DCDC2C: variants seen among roughly 807,000 people sequenced by gnomAD.
DCDC2C encodes doublecortin domain containing 2C.
A neutral mutation model predicts 45.0 loss-of-function variants in DCDC2C; 44 were observed. The ratio of observed to expected loss-of-function variants is 0.98; its 90% confidence interval spans 0.77 to 1.26. DCDC2C has a LOEUF of 1.26. DCDC2C is among the 50% of genes most tolerant of loss of function. The pLI is 0.00. For missense variants in DCDC2C, 447 were observed against 468.9 expected, an observed-to-expected ratio of 0.95 and a Z score of 0.43; for synonymous variants, 187 against 178.8, an observed-to-expected ratio of 1.05 and a Z score of -0.37.
chr2:3,838,327 C>T (rs1028111942), intron 10 of DCDC2C, among the ~76,000 whole-genome samples: 4 of 151,950 alleles, frequency 2.6e-5, no homozygotes, highest in African/African-American at 9.7e-5. Flanking sequence ...TCCTGGTAAT[C>T]GCAGGGTCTA....
At chr2:3,748,377 T>G (rs1572582593) in intron 4 of DCDC2C, among the ~76,000 whole-genome samples, 40 of 35,266 alleles carry the variant, frequency 1.1e-3, no homozygotes, top group African/African-American at 1.5e-3. Context: ...GGGTGGGGAG[T>G]GTGTGGTGGG....
intron 10 of DCDC2C, among the ~76,000 whole-genome samples, chr2:3,811,808 A>G (rs1671401278): frequency 6.6e-6 from 1 of 152,192 alleles, no homozygotes; most frequent in East Asian, 1.9e-4. Flanking sequence ...GAATTTTATC[A>G]AAGGCCTTTT....
intron 8 of DCDC2C, 54 bp downstream of exon 8, chr2:3,769,465 C>G (rs1670106095): frequency 6.8e-7 from 1 of 1,471,454 alleles, no homozygotes; most frequent in South Asian, 1.2e-5. Flanking sequence ...CCATCAGCTC[C>G]TGCCCGCCTC....
rs541175364 is a variant in DCDC2C, at chr2:3,811,079, A to G, written c.1065+25979A>G. Among the ~76,000 whole-genome samples the G allele has an allele frequency of 5.3e-5, 8 of 152,326 alleles. No homozygotes were observed. The East Asian group carries it at 1.2e-3, about 22-fold the overall frequency. ...GCTATGCAGAGTTTTCTTCAATTTC[A>G]TATGAAACTTAAAATAGTTTTTTCT... On this transcript the variant is annotated intron_variant, in intron 10 of 10. Coordinates refer to ENST00000399143, the MANE Select transcript of DCDC2C (RefSeq NM_001287444.2).
chr2:3,794,889 A>G (rs573451191), intron 10 of DCDC2C, among the ~76,000 whole-genome samples: 123 of 152,042 alleles, frequency 8.1e-4, no homozygotes, highest in African/African-American at 2.8e-3. Context: ...CAGTAATGGG[A>G]TGGCTGGGTC....
chr2:3,759,435 A>T (rs1278419979), intron 6 of DCDC2C, among the ~76,000 whole-genome samples: 1 of 152,220 alleles, frequency 6.6e-6, no homozygotes, highest in African/African-American at 2.4e-5. Context: ...TTTATAAAAT[A>T]GCTACGTGTT....
chr2:3,752,478 A>T (rs944790261), intron 4 of DCDC2C: 2 of 413,100 alleles, frequency 4.8e-6, no homozygotes, highest in African/African-American at 4.0e-5. Flanking sequence ...AAATTAATTG[A>T]ACACTAACCA....
chr2:3,827,028 G>A (rs1671839224), intron 10 of DCDC2C, among the ~76,000 whole-genome samples: 1 of 151,668 alleles, frequency 6.6e-6, no homozygotes, highest in Admixed American at 6.6e-5. Flanking sequence ...TCTTCCTCTT[G>A]AAGACAAATA....
intron 10 of DCDC2C, among the ~76,000 whole-genome samples, chr2:3,824,661 T>C (rs1671772984): frequency 6.6e-6 from 1 of 152,160 alleles, no homozygotes; most frequent in South Asian, 2.1e-4. Context: ...ACAGGTTTTC[T>C]CACTGCTCCT....
chr2:3,714,496 C>T (rs200356401), intron 2 of DCDC2C, among the ~76,000 whole-genome samples: 144 of 142,716 alleles, frequency 1.0e-3, no homozygotes, highest in African/African-American at 3.5e-3. Flanking sequence ...AATGTTTTTT[C>T]CCCCCATGAA....
At chr2:3,724,519 C>T (rs1668584230) in intron 2 of DCDC2C, among the ~76,000 whole-genome samples, 1 of 152,208 alleles carries the variant, frequency 6.6e-6, no homozygotes, top group African/African-American at 2.4e-5. Flanking sequence ...GTATGCAGCT[C>T]CTTCTCTCTC....
intron 1 of DCDC2C, among the ~76,000 whole-genome samples, chr2:3,707,392 A>C (rs1324186450): frequency 6.6e-6 from 1 of 152,182 alleles, no homozygotes; most frequent in Non-Finnish European, 1.5e-5. Flanking sequence ...AACAAATTTA[A>C]AATATTTATT....
At position 3,727,018 on chromosome 2, in the gene DCDC2C, C is replaced by T. The variant is rs1200900501; in HGVS notation, c.355C>T (p.His119Tyr). The T allele has an allele frequency of 6.4e-7, 1 of 1,550,416 alleles. No homozygotes were observed. Among genetic ancestry groups the T allele is most frequent in the South Asian group, 1.2e-5 (1 of 84,040 alleles). The change falls in exon 3 of 11, where the codon CAT (histidine) becomes TAT (tyrosine). Residue 119 changes from histidine to tyrosine, a missense_variant. Transcript: ENST00000399143. ...CCTTTTTCAGATCAAACCAGTGGTG[C>T]ATTGTGATATAAATGTGCCTTCCAA... ...RKLKEIKPVVHCDINVPSKWQ... is the reference protein window; with the variant it reads ...RKLKEIKPVVYCDINVPSKWQ...
chr2:3,727,125 C>T (rs947674894), intron 3 of DCDC2C, 46 bp downstream of exon 3: 1 of 1,449,218 alleles, frequency 6.9e-7, no homozygotes, highest in South Asian at 1.2e-5. Context: ...TGCCATAACT[C>T]CCTAAAAACA....
intron 6 of DCDC2C, among the ~76,000 whole-genome samples, chr2:3,755,205 A>C (rs927904798): frequency 1.7e-4 from 26 of 151,564 alleles, no homozygotes; most frequent in African/African-American, 6.3e-4. Flanking sequence ...ATATGTGTGC[A>C]TGGGTGCATA....
intron 10 of DCDC2C, chr2:3,844,401 A>C (rs982488592): frequency 1.3e-4 from 20 of 152,948 alleles, no homozygotes; most frequent in Admixed American, 1.0e-3. Flanking sequence ...GAGATGCCGG[A>C]GTCCCCCACG....
intron 1 of DCDC2C, 23 bp downstream of exon 1, chr2:3,704,061 C>T (rs1448948492): frequency 8.0e-7 from 1 of 1,244,466 alleles, no homozygotes; most frequent in Non-Finnish European, 1.0e-6. Flanking sequence ...GCGCCCCCCA[C>T]GCGCCCTGCG....
Position 3,703,938 on chromosome 2 carries a change from C to T in DCDC2C, c.187C>T (p.Leu63Phe). ...GGACGTCCCGTTCGGCGTGCGCCGC[C>T]TCTTCACGCCCACGCGTGGGCACCG... ...QVDVPFGVRRLFTPTRGHRVL... is the reference protein window; with the variant it reads ...QVDVPFGVRRFFTPTRGHRVL... Residue 63 changes from leucine to phenylalanine, a missense_variant, in exon 1 of 11, where the codon CTC becomes TTC. Leu to Phe is a conservative substitution (Grantham distance 22, BLOSUM62 0). Transcript: ENST00000399143. The surrounding 1 kb of genome is among the most constrained non-coding windows in gnomAD (Gnocchi z 4.4). The T allele has an allele frequency of 4.5e-6, 6 of 1,329,076 alleles. No individual in the cohort carries two copies. Among genetic ancestry groups the T allele is most frequent in the Non-Finnish European group, 4.8e-6 (5 of 1,037,416 alleles). 82.3% of individuals were successfully genotyped at this position (1,329,076 alleles called of 1,614,324 possible).
At chr2:3,750,698 G>A (rs962574241) in intron 4 of DCDC2C, among the ~76,000 whole-genome samples, 1 of 152,108 alleles carries the variant, frequency 6.6e-6, no homozygotes, top group Non-Finnish European at 1.5e-5. Context: ...GTCTGCCGGC[G>A]AGTTTTCCTG....
Sources: allele counts gnomAD v4.1 joint callset (sites outside exome capture counted in the v4.1 genomes callset), GRCh38; gene constraint gnomAD v4.1.1; non-coding constraint Gnocchi (gnomAD v3.1); transcripts MANE v1.5; gene names NCBI Gene and HGNC (gene_info 2026-07-23, HGNC 2026-07-21).